The following PTPRD variants were observed in gnomAD, a reference collection of about 807,000 sequenced individuals.
PTPRD encodes the protein protein tyrosine phosphatase receptor type D.
Under a neutral mutation model 214.5 loss-of-function variants are expected in PTPRD, and 34 were observed. That is an observed-to-expected ratio of 0.16 (90% CI 0.12 to 0.21). PTPRD has a LOEUF of 0.21. Among genes scored for constraint, PTPRD ranks in the 10% least tolerant of loss-of-function variants. The pLI, the probability that PTPRD is intolerant of heterozygous loss-of-function variation, is 1.00. For synonymous variants in PTPRD, 1,128 were observed against 845.7 expected, an observed-to-expected ratio of 1.33 and a Z score of -5.79; for missense variants, 2,545 against 2,398.7, an observed-to-expected ratio of 1.06 and a Z score of -1.27.
At chr9:10,330,118 C>T (rs1304977173) in intron 3 of PTPRD, among the ~76,000 whole-genome samples, 1 of 151,558 alleles carries the variant, frequency 6.6e-6, no homozygotes, top group African/African-American at 2.4e-5. Context: ...ATTTGTATAA[C>T]AAGAACTTGC....
chr9:9,825,354 AAGAGACACAGAGAGAGACACAG>A (rs1395555154), intron 5 of PTPRD, among the ~76,000 whole-genome samples: 1 of 151,406 alleles, frequency 6.6e-6, no homozygotes, highest in African/African-American at 2.4e-5. Flanking sequence ...GAAAGAGACA[AAGAGACACAGAGAGAGACACAG>A]AGAGACAGAG....
At chr9:9,510,254 T>C (rs1201026192) in intron 8 of PTPRD, among the ~76,000 whole-genome samples, 1 of 151,754 alleles carries the variant, frequency 6.6e-6, no homozygotes. Context: ...TCATTTTTTT[T>C]TCTTTTTTGG....
intron 5 of PTPRD, among the ~76,000 whole-genome samples, chr9:9,862,382 A>G (rs1300689285): frequency 1.3e-5 from 2 of 152,252 alleles, no homozygotes; most frequent in Non-Finnish European, 2.9e-5. Context: ...TAACTGCTGT[A>G]ACTAACTGCC....
chr9:10,061,626 G>A (rs1054914593), intron 3 of PTPRD, among the ~76,000 whole-genome samples: 1 of 152,108 alleles, frequency 6.6e-6, no homozygotes, highest in African/African-American at 2.4e-5. Flanking sequence ...AATAAAAGCT[G>A]CCACTATTTC....
chr9:8,532,002 A>T (rs1413971373), intron 14 of PTPRD, among the ~76,000 whole-genome samples: 1 of 152,022 alleles, frequency 6.6e-6, no homozygotes, highest in African/African-American at 2.4e-5. Flanking sequence ...CATATACACG[A>T]GTGCACAACA....
chr9:10,356,621 A>G (rs2097282879), intron 2 of PTPRD, among the ~76,000 whole-genome samples: 1 of 152,094 alleles, frequency 6.6e-6, no homozygotes, highest in South Asian at 2.1e-4. Context: ...ATTTTTTCCT[A>G]AATTGTGAGT....
chr9:10,608,653 T>A (rs1242582597), intron 2 of PTPRD, among the ~76,000 whole-genome samples: 1 of 152,116 alleles, frequency 6.6e-6, no homozygotes, highest in African/African-American at 2.4e-5. Context: ...CTGACAGAGG[T>A]ACAGAGAGTC....
At chr9:9,518,749 A>C (rs1337608057) in intron 8 of PTPRD, among the ~76,000 whole-genome samples, 1 of 151,712 alleles carries the variant, frequency 6.6e-6, no homozygotes, top group Admixed American at 6.6e-5. Flanking sequence ...TGGACAAGGC[A>C]GCACAGTAGA....
intron 3 of PTPRD, among the ~76,000 whole-genome samples, chr9:10,183,415 T>C (rs2099312184): frequency 1.3e-5 from 2 of 152,166 alleles, no homozygotes; most frequent in Admixed American, 6.5e-5. Flanking sequence ...AAGGAATGTA[T>C]ATCTCTGAAG....
At chr9:9,595,922 T>C (rs531903300) in intron 7 of PTPRD, among the ~76,000 whole-genome samples, 30 of 151,706 alleles carry the variant, frequency 2.0e-4, no homozygotes, top group African/African-American at 6.5e-4. Context: ...CAAACACCAC[T>C]TCTTCCCGAA....
chr9:10,090,919 T>TACACAC (rs1162698970), intron 3 of PTPRD, among the ~76,000 whole-genome samples: 16,064 of 99,078 alleles, frequency 0.16, 1,177 homozygotes, highest in South Asian at 0.28. Flanking sequence ...AAATGAAATA[T>TACACAC]ACACACACAC....
intron 14 of PTPRD, among the ~76,000 whole-genome samples, chr9:8,562,525 C>A (rs1157563880): frequency 1.3e-5 from 2 of 152,166 alleles, no homozygotes; most frequent in East Asian, 3.9e-4. Flanking sequence ...CAACCTCGAA[C>A]TCCCAGGTTC....
intron 8 of PTPRD, among the ~76,000 whole-genome samples, chr9:9,505,179 C>T (rs755712365): frequency 5.9e-5 from 9 of 151,554 alleles, no homozygotes; most frequent in African/African-American, 2.2e-4. Flanking sequence ...GTTTAATCCT[C>T]TCTTGATCTC....
At chr9:9,374,184 T>C (rs2060216325) in intron 9 of PTPRD, among the ~76,000 whole-genome samples, 1 of 152,024 alleles carries the variant, frequency 6.6e-6, no homozygotes, top group East Asian at 1.9e-4. Context: ...AAGTATTCCA[T>C]CATATATATA....
chr9:9,927,625 C>T (rs549587965), intron 5 of PTPRD, among the ~76,000 whole-genome samples: 15 of 152,254 alleles, frequency 9.9e-5, no homozygotes, highest in East Asian at 1.9e-4. Context: ...TACATAATAA[C>T]ATACTATTTA....
intron 2 of PTPRD, among the ~76,000 whole-genome samples, chr9:10,543,202 A>G (rs1469412059): frequency 6.6e-6 from 1 of 152,054 alleles, no homozygotes; most frequent in African/African-American, 2.4e-5. Flanking sequence ...TTTCATTTTT[A>G]ACTAACATGA....
chr9:8,578,513 A>T (rs2092710462), intron 14 of PTPRD, among the ~76,000 whole-genome samples: 1 of 152,172 alleles, frequency 6.6e-6, no homozygotes, highest in Admixed American at 6.5e-5. Flanking sequence ...AACTCAGAAA[A>T]ATTCTCTAGG....
intron 9 of PTPRD, among the ~76,000 whole-genome samples, chr9:9,247,197 G>A (rs138757021): frequency 1.3e-5 from 2 of 151,950 alleles, no homozygotes; most frequent in Non-Finnish European, 2.9e-5. Context: ...ATTCCAGAAG[G>A]GGTCCTTCCC....
At chr9:10,329,021 T>C (rs1378159037) in intron 3 of PTPRD, among the ~76,000 whole-genome samples, 1 of 151,776 alleles carries the variant, frequency 6.6e-6, no homozygotes, top group Non-Finnish European at 1.5e-5. Context: ...AAAACTGATC[T>C]TTATTTTACT....
Sources: allele counts gnomAD v4.1 joint callset (sites outside exome capture counted in the v4.1 genomes callset), GRCh38; gene constraint gnomAD v4.1.1; transcripts MANE v1.5; gene names NCBI Gene and HGNC (gene_info 2026-07-23, HGNC 2026-07-21).